DHX29: variants seen among roughly 807,000 people sequenced by gnomAD.
DHX29 encodes the protein ATP-dependent RNA helicase DHX29.
In DHX29, 79 loss-of-function variants were observed where a neutral mutation model predicts 167.9. The ratio of observed to expected loss-of-function variants is 0.47; its 90% confidence interval spans 0.39 to 0.57. The LOEUF is 0.57. Ranked by LOEUF, DHX29 falls within the 20% of genes least tolerant of loss-of-function variation. DHX29 has a pLI of 0.00. For synonymous variants in DHX29, 530 were observed against 546.0 expected (o/e 0.97, Z 0.41); for missense variants, 1,347 against 1,593.4 (o/e 0.85, Z 2.63).
chr5:55,257,398 G>T (rs1243274468), intron 26 of DHX29, among the ~76,000 whole-genome samples: 1 of 152,140 alleles, frequency 6.6e-6, no homozygotes, highest in Non-Finnish European at 1.5e-5. Flanking sequence ...TTTGAAGTTG[G>T]AACAATGGCA....
intron 19 of DHX29, 27 bp from the exon 20 acceptor site, chr5:55,270,514 A>G: frequency 1.9e-6 from 3 of 1,613,256 alleles, no homozygotes; most frequent in Middle Eastern, 1.7e-4. Flanking sequence ...TACTAAATAC[A>G]TATTATCAGA....
Position 55,262,637 on chromosome 5 carries a change from T to C in DHX29, c.3821A>G (p.Gln1274Arg). Residue 1274 changes from glutamine to arginine, a missense_variant, in exon 24 of 27, where the codon CAG becomes CGG. Gln to Arg is a conservative substitution (Grantham distance 43). This residue lies in a region of DHX29 where 882 missense variants were observed against 1,082.4 expected (regional missense o/e 0.81). Transcript: ENST00000251636. Reference sequence around the variant, plus strand: ...TAGGAATGAGTACTTCACCTTCTCCTGGTATAAGAGCCATCCATGAGTTTG... The same window carrying C: ...TAGGAATGAGTACTTCACCTTCTCCCGGTATAAGAGCCATCCATGAGTTTG... ...DLQTHGWLLY[Q>R]EKIRYARVYL... 6.2e-7 allele frequency: 1 copy of C among 1,613,726 alleles called. No homozygotes were observed. The highest frequency in any genetic ancestry group is 1.7e-5 in the Admixed American group (1 of 59,998).
intron 13 of DHX29, among the ~76,000 whole-genome samples, chr5:55,276,831 A>G (rs950264029): frequency 6.6e-6 from 1 of 152,094 alleles, no homozygotes; most frequent in Non-Finnish European, 1.5e-5. Flanking sequence ...GAAGGGCAGC[A>G]ACTCTTAATC....
rs1748316622 is a variant in DHX29 at position 55,296,331 on chromosome 5, G to T, written c.394C>A (p.Gln132Lys). The change falls in exon 4 of 27, where the codon CAA becomes AAA. Residue 132 changes from glutamine (Q) to lysine (K), a missense_variant. By Grantham distance (53) the Gln-to-Lys change is moderately conservative (BLOSUM62 1). This residue lies in a region of DHX29 where 405 missense variants were observed against 416.8 expected (regional missense o/e 0.97). Coordinates refer to ENST00000251636, the MANE Select transcript of DHX29 (RefSeq NM_019030.4). ...TCCTTTGTCTTAAATGAAAATGCTT[G>T]TAAAGCCATGTATAAATCCTATGAC... ...KKLQDLYMAL[Q>K]AFSFKTKDIE... 6.2e-7 allele frequency: 1 copy of T among 1,612,950 alleles called. No homozygotes were observed. The highest frequency in any genetic ancestry group is 8.5e-7 in the Non-Finnish European group (1 of 1,179,448).
chr5:55,262,778 T>C lies in DHX29; in HGVS notation c.3680A>G (p.Asn1227Ser), dbSNP rs751650090. ...CTTTGTATAGATTATCTTCCCCACA[T>C]TGTCATACAGTCCAGCCACCAGTAC... ...KAVLVAGLYDNVGKIIYTKSV... is the reference protein window; with the variant it reads ...KAVLVAGLYDSVGKIIYTKSV... Residue 1227 changes from asparagine to serine, a missense_variant, in exon 24 of 27, where the codon AAT (asparagine) becomes AGT (serine). This residue lies in a region of DHX29 where 882 missense variants were observed against 1,082.4 expected (regional missense o/e 0.81). Coordinates refer to ENST00000251636, the MANE Select transcript of DHX29 (RefSeq NM_019030.4). 3.1e-5 allele frequency: 50 copies of C among 1,613,964 alleles called. No homozygotes were observed. Among genetic ancestry groups the C allele is most frequent in the Non-Finnish European group, 4.0e-5 (47 of 1,180,000 alleles).
intron 11 of DHX29, among the ~76,000 whole-genome samples, chr5:55,281,897 T>C (rs1747443132): frequency 6.6e-6 from 1 of 151,916 alleles, no homozygotes; most frequent in African/African-American, 2.4e-5. Flanking sequence ...GCGATTCTCT[T>C]GTCTCAGCCT....
At chr5:55,271,356 C>T (rs574999692) in intron 18 of DHX29, among the ~76,000 whole-genome samples, 12 of 152,284 alleles carry the variant, frequency 7.9e-5, no homozygotes, top group South Asian at 2.1e-4. Context: ...TTTGGCTGGG[C>T]GAGGTGGCTC....
At chr5:55,281,057 G>GTA (rs1298845567) in intron 12 of DHX29, among the ~76,000 whole-genome samples, 7 of 143,242 alleles carry the variant, frequency 4.9e-5, no homozygotes, top group African/African-American at 1.1e-4. Context: ...CATGCTATAT[G>GTA]TATATACACA....
intron 26 of DHX29, among the ~76,000 whole-genome samples, chr5:55,259,046 A>C (rs1746183502): frequency 6.6e-6 from 1 of 152,082 alleles, no homozygotes; most frequent in African/African-American, 2.4e-5. Context: ...GAGTCTCTCT[A>C]TGTTGTCTAG....
In DHX29 at chr5:55,294,160, C is replaced by A. The variant is rs1185799865; in HGVS notation, c.652-15G>T. 6.4e-7 allele frequency: 1 copy of A among 1,565,050 alleles called. No individual in the cohort carries two copies. Among genetic ancestry groups the A allele is most frequent in the East Asian group, 2.3e-5 (1 of 44,378 alleles). On this transcript the variant is annotated splice_polypyrimidine_tract_variant and intron_variant, in intron 5 of 26. Coordinates refer to ENST00000251636, the MANE Select transcript of DHX29 (RefSeq NM_019030.4). ...TCCTTTTTTGGCTAGAAAGAGAAAACAAATATCTGAAAAACCAAAGTTAGA... is the reference window on the plus strand; with the variant it reads ...TCCTTTTTTGGCTAGAAAGAGAAAAAAAATATCTGAAAAACCAAAGTTAGA...
At chr5:55,267,027 GT>G (rs1746611144) in intron 23 of DHX29, 110 bp downstream of exon 23, 2 of 639,448 alleles carry the variant, frequency 3.1e-6, no homozygotes. Flanking sequence ...TTCAACAAAT[GT>G]TTACTAAGCC....
At chr5:55,298,983 T>C (rs1032635831) in intron 1 of DHX29, among the ~76,000 whole-genome samples, 5 of 144,168 alleles carry the variant, frequency 3.5e-5, no homozygotes, top group South Asian at 2.1e-4. Flanking sequence ...TGAGCCGAGA[T>C]TGCGCCACTG....
In DHX29 at chr5:55,269,408, C is replaced by T; in HGVS notation, c.3294+5G>A. The T allele has an allele frequency of 6.2e-7, 1 of 1,612,028 alleles. No individual in the cohort carries two copies. The highest frequency in any genetic ancestry group is 8.5e-7 in the Non-Finnish European group (1 of 1,179,668). ...GTAAAGAAGCAGCAGCATTGTTTGA[C>T]TTACCACTGGGTCAAGGCAGCCAAA... On this transcript the variant is annotated splice_donor_5th_base_variant and intron_variant, in intron 21 of 26. Transcript: ENST00000251636.
intron 16 of DHX29, among the ~76,000 whole-genome samples, chr5:55,273,811 G>A (rs1396749267): frequency 3.3e-5 from 5 of 152,170 alleles, no homozygotes; most frequent in Non-Finnish European, 5.9e-5. Flanking sequence ...GGCTGGCCAA[G>A]TGCGGTGGCT....
rs575284006 is a variant in DHX29, at chr5:55,288,386, T to C, written c.1066+884A>G. Among the ~76,000 whole-genome samples, 8 of 151,416 alleles carry C rather than the reference T, an allele frequency of 5.3e-5. No individual in the cohort carries two copies. In the East Asian group the frequency reaches 1.6e-3, roughly 29 times the overall value. The stretch of plus-strand genomic sequence containing the variant: ...GTGATAAATACTATATGTTATACTA[T>C]TTACTATTAGTAAATAGTATACTAT... On this transcript the variant is annotated intron_variant, in intron 8 of 26. Coordinates refer to ENST00000251636, the MANE Select transcript of DHX29 (RefSeq NM_019030.4).
intron 10 of DHX29, among the ~76,000 whole-genome samples, chr5:55,284,784 T>C (rs916467424): frequency 6.6e-6 from 1 of 152,184 alleles, no homozygotes; most frequent in African/African-American, 2.4e-5. Flanking sequence ...TTTTTTTAAG[T>C]TGAGCGAGAC....
chr5:55,259,352 A>C (rs779684154), intron 26 of DHX29, among the ~76,000 whole-genome samples: 14 of 152,230 alleles, frequency 9.2e-5, no homozygotes, highest in Non-Finnish European at 1.6e-4. Context: ...GATGGAATTC[A>C]GCATAAAGTA....
At chr5:55,286,360 T>C (rs894384132) in intron 8 of DHX29, among the ~76,000 whole-genome samples, 8 of 152,148 alleles carry the variant, frequency 5.3e-5, no homozygotes, top group African/African-American at 1.9e-4. Context: ...GGGAAAATTC[T>C]CAATCTTTAA....
rs1748382904 is a variant in DHX29, at chr5:55,297,452, A to G, written c.262-54T>C. On this transcript the variant is annotated intron_variant, in intron 2 of 26. Transcript: ENST00000251636. Reference sequence around the variant, plus strand: ...TAGAAGCTAAATTATTAAAAAATTAAAAGCCAATCATACAGTTTTCTATAT... The same window carrying G: ...TAGAAGCTAAATTATTAAAAAATTAGAAGCCAATCATACAGTTTTCTATAT... The G allele has an allele frequency of 3.8e-6, 3 of 783,828 alleles. No individual in the cohort carries two copies. The Admixed American group carries it at 7.0e-5, about 18-fold the overall frequency. The allele number at this position is 783,828 out of a possible 1,614,324, so 48.6% of individuals were successfully genotyped here.
Sources: gnomAD v4.1 joint callset for allele counts (sites outside exome capture counted in the v4.1 genomes callset) on GRCh38, gnomAD v4.1.1 for gene constraint, gnomAD v4.1.1 regional missense constraint, MANE v1.5 for transcripts, NCBI Gene and HGNC (gene_info 2026-07-23, HGNC 2026-07-21) for gene names.